ANKRD17: variants seen among roughly 807,000 people sequenced by gnomAD.
The protein encoded by ANKRD17 is ankyrin repeat domain-containing protein 17.
A neutral mutation model predicts 229.7 loss-of-function variants in ANKRD17; 19 were observed. The ratio of observed to expected loss-of-function variants is 0.08; its 90% CI spans 0.06 to 0.12. ANKRD17 has a LOEUF of 0.12. Among genes scored for constraint, ANKRD17 ranks in the 10% least tolerant of loss-of-function variants. ANKRD17 has a pLI of 1.00. For missense variants in ANKRD17, 2,176 were observed against 3,176.8 expected (o/e 0.68, Z 7.57); for synonymous variants, 1,112 against 1,146.1 (o/e 0.97, Z 0.60).
At chr4:73,137,111 C>T (rs1296291426) in intron 15 of ANKRD17, among the ~76,000 whole-genome samples, 5 of 151,196 alleles carry the variant, frequency 3.3e-5, no homozygotes, top group African/African-American at 1.2e-4. Flanking sequence ...AATTAGGTGA[C>T]TGTCAATCAC....
chr4:73,086,304 G>GT (rs1257885254), intron 29 of ANKRD17, among the ~76,000 whole-genome samples: 1 of 152,044 alleles, frequency 6.6e-6, no homozygotes, highest in East Asian at 1.9e-4. Flanking sequence ...AAAAACGAAT[G>GT]TATGTGTATT....
chr4:73,093,777 A>G (rs772055729), intron 28 of ANKRD17, among the ~76,000 whole-genome samples: 1 of 152,208 alleles, frequency 6.6e-6, no homozygotes, highest in Non-Finnish European at 1.5e-5. Context: ...TGCGCTCCCT[A>G]AAAGTCTCAG....
intron 25 of ANKRD17, among the ~76,000 whole-genome samples, chr4:73,099,945 C>T (rs780440937): frequency 1.3e-5 from 2 of 152,090 alleles, no homozygotes; most frequent in Non-Finnish European, 2.9e-5. Flanking sequence ...GGGCCGCTCC[C>T]CCATACTTAC....
At chr4:73,145,228 C>T (rs1166809891) in intron 10 of ANKRD17, among the ~76,000 whole-genome samples, 3 of 152,144 alleles carry the variant, frequency 2.0e-5, no homozygotes, top group African/African-American at 7.2e-5. Flanking sequence ...GAGCATTATC[C>T]TCATCCACTC....
intron 1 of ANKRD17, among the ~76,000 whole-genome samples, chr4:73,186,432 GAACCTC>G (rs1229989379): frequency 6.6e-6 from 1 of 152,006 alleles, no homozygotes. Context: ...AAACTAAAGT[GAACCTC>G]ATTAAAGATA....
At chr4:73,193,889 G>A (rs142914650) in intron 1 of ANKRD17, among the ~76,000 whole-genome samples, 4 of 152,200 alleles carry the variant, frequency 2.6e-5, no homozygotes, top group African/African-American at 9.6e-5. Flanking sequence ...CCATGATTGC[G>A]ACACTGCACT....
chr4:73,235,134 C>T (rs1743386287), intron 1 of ANKRD17, among the ~76,000 whole-genome samples: 1 of 152,098 alleles, frequency 6.6e-6, no homozygotes. Flanking sequence ...TCTCCCTGAC[C>T]CCTTTTGCTA....
At chr4:73,250,447 A>C (rs1744888068) in intron 1 of ANKRD17, among the ~76,000 whole-genome samples, 1 of 151,794 alleles carries the variant, frequency 6.6e-6, no homozygotes, top group Non-Finnish European at 1.5e-5. Flanking sequence ...ATAAAAATAC[A>C]AAACAATTAG....
At chr4:73,234,140 T>G (rs2149247097) in intron 1 of ANKRD17, among the ~76,000 whole-genome samples, 1 of 152,282 alleles carries the variant, frequency 6.6e-6, no homozygotes, top group African/African-American at 2.4e-5. Flanking sequence ...TAATTTTCCC[T>G]CAAGTTTTTC....
In ANKRD17 at chr4:73,258,444, C is replaced by T; in HGVS notation, c.225G>A (p.Lys75=). ...TGGGGGGTCGGCAAGTCCGGTTACG[C>T]TTGGCCTTGTGGTGCTGCTGCTGCG... The part of the protein sequence containing the change: ...KPPQQQHHKA[K]RNRTCRPPSS... Residue 75 remains lysine (K), a synonymous_variant, in exon 1 of 34, where the codon AAG becomes AAA. Coordinates refer to ENST00000358602, the MANE Select transcript of ANKRD17 (RefSeq NM_032217.5). 6.2e-7 allele frequency: 1 copy of T among 1,609,576 alleles called. No homozygotes were observed. The highest frequency in any genetic ancestry group is 8.5e-7 in the Non-Finnish European group (1 of 1,178,900).
intron 28 of ANKRD17, among the ~76,000 whole-genome samples, chr4:73,093,723 G>C (rs1723017638): frequency 6.6e-6 from 1 of 152,130 alleles, no homozygotes; most frequent in Admixed American, 6.5e-5. Context: ...AATCTCAAAG[G>C]TTATTTGAGA....
At position 73,138,391 on chromosome 4, in the gene ANKRD17, A is replaced by C. The variant is rs531477099; in HGVS notation, c.3085+1140T>G. Among the ~76,000 whole-genome samples, 199 of 152,272 alleles carry C rather than the reference A, an allele frequency of 1.3e-3. 1 individual carries two copies. Among genetic ancestry groups the C allele is most frequent in the Admixed American group, 2.5e-3 (39 of 15,302 alleles). Reference sequence around the variant, plus strand: ...GGTGCTATTAAAGGCGGACTAGCAAACTTTACAGATATTTTTAAGTATAAA... The same window carrying C: ...GGTGCTATTAAAGGCGGACTAGCAACCTTTACAGATATTTTTAAGTATAAA... On this transcript the variant is annotated intron_variant, in intron 15 of 33. Transcript: ENST00000358602.
intron 1 of ANKRD17, among the ~76,000 whole-genome samples, chr4:73,252,086 G>C (rs541249503): frequency 6.6e-5 from 10 of 152,322 alleles, no homozygotes; most frequent in Admixed American, 6.5e-4. Flanking sequence ...ACAGTAGGTG[G>C]CTAATAAAGA....
intron 1 of ANKRD17, among the ~76,000 whole-genome samples, chr4:73,249,172 G>A (rs987079580): frequency 6.6e-6 from 1 of 152,130 alleles, no homozygotes; most frequent in Admixed American, 6.6e-5. Flanking sequence ...TCAATCAAAT[G>A]TTTTTAAGCT....
chr4:73,230,844 T>C (rs1334316579), intron 1 of ANKRD17, among the ~76,000 whole-genome samples: 4 of 152,210 alleles, frequency 2.6e-5, no homozygotes, highest in African/African-American at 7.2e-5. Flanking sequence ...TTGTTGTCTC[T>C]ACCCATGGTG....
chr4:73,102,459 C>T lies in ANKRD17; in HGVS notation c.4490G>A (p.Arg1497Lys), dbSNP rs746814542. 1.2e-6 allele frequency: 2 copies of T among 1,607,400 alleles called. No homozygotes were observed. The highest frequency in any genetic ancestry group is 3.4e-5 in the Admixed American group (2 of 58,866). ...KRRKKKEEQR[R>K]KLEEIEAKNK... ...TTTGGCTTCAATTTCTTCTAGTTTCCTTCTTTGTTCTTCCTTTTTCTTCCT... is the reference window on the plus strand; with the variant it reads ...TTTGGCTTCAATTTCTTCTAGTTTCTTTCTTTGTTCTTCCTTTTTCTTCCT... The change falls in exon 25 of 34, where the codon AGG becomes AAG. Residue 1497 changes from arginine (R) to lysine (K), a missense_variant. Physicochemically the swap from Arg to Lys is conservative, Grantham distance 26. Transcript: ENST00000358602.
At chr4:73,217,599 C>A (rs1242896087) in intron 1 of ANKRD17, among the ~76,000 whole-genome samples, 1 of 151,888 alleles carries the variant, frequency 6.6e-6, no homozygotes. Flanking sequence ...TGGGCTCAAG[C>A]GATCCTCTTG....
At chr4:73,177,257 T>C (rs1734854053) in intron 2 of ANKRD17, 123 bp downstream of exon 2, 2 of 964,630 alleles carry the variant, frequency 2.1e-6, no homozygotes, top group Non-Finnish European at 2.8e-6. Flanking sequence ...AAGTAATCAA[T>C]TAACCTTTAT....
intron 2 of ANKRD17, among the ~76,000 whole-genome samples, chr4:73,172,998 C>T (rs1271036625): frequency 6.6e-6 from 1 of 152,120 alleles, no homozygotes; most frequent in African/African-American, 2.4e-5. Flanking sequence ...TAAAGGACTA[C>T]AACCAAAACA....
Sources: gnomAD v4.1 joint callset for allele counts (sites outside exome capture counted in the v4.1 genomes callset) on GRCh38, gnomAD v4.1.1 for gene constraint, MANE v1.5 for transcripts, NCBI Gene and HGNC (gene_info 2026-07-23, HGNC 2026-07-21) for gene names.